Variants in SYPL1 observed in about 807,000 individuals in gnomAD.
SYPL1 encodes synaptophysin-like protein 1.
Under a neutral mutation model 23.7 loss-of-function variants are expected in SYPL1, and 6 were observed. That is an observed-to-expected ratio of 0.25 (90% confidence interval 0.14 to 0.50). SYPL1 has a LOEUF of 0.50. SYPL1 is among the 20% of genes least tolerant of loss of function. The pLI is 0.98. For synonymous variants in SYPL1, 102 were observed against 104.5 expected, an observed-to-expected ratio of 0.98 and a Z score of 0.15; for missense variants, 253 against 288.9, an observed-to-expected ratio of 0.88 and a Z score of 0.90.
intron 1 of SYPL1, 31 bp from the exon 2 acceptor site, chr7:106,099,313 GA>G (rs774787949): frequency 4.4e-6 from 7 of 1,577,196 alleles, no homozygotes; most frequent in African/African-American, 4.1e-5. Context: ...AAAGACAAAA[GA>G]AAAAAAAGAT....
chr7:106,107,438 A>G (rs1840660398), intron 1 of SYPL1, among the ~76,000 whole-genome samples: 1 of 152,178 alleles, frequency 6.6e-6, no homozygotes, highest in African/African-American at 2.4e-5. Flanking sequence ...TAATTCCATA[A>G]TCCTTAAAAA....
chr7:106,098,429 T>C (rs1239280508), intron 2 of SYPL1, among the ~76,000 whole-genome samples: 1 of 152,242 alleles, frequency 6.6e-6, no homozygotes, highest in Non-Finnish European at 1.5e-5. Flanking sequence ...TAGAGAGGCT[T>C]TGATGATTAA....
chr7:106,099,153 C>T lies in SYPL1; in HGVS notation c.194+5G>A. ...TGTGAAACCATTAAAATAAATATAA[C>T]TCACCTGAATGGATAACCAAAAGTA... On this transcript the variant is annotated splice_donor_5th_base_variant and intron_variant, in intron 2 of 4. Transcript: ENST00000455385. 1 of 1,600,904 alleles carries T rather than the reference C, an allele frequency of 6.2e-7. No individual in the cohort carries two copies. Among genetic ancestry groups the T allele is most frequent in the East Asian group, 2.2e-5 (1 of 44,774 alleles).
Position 106,112,209 on chromosome 7 carries a change from C to A in SYPL1, c.-1G>T. 8 of 1,542,518 alleles carry A rather than the reference C, an allele frequency of 5.2e-6. No individual in the cohort carries two copies. Among genetic ancestry groups the A allele is most frequent in the Non-Finnish European group, 7.0e-6 (8 of 1,136,806 alleles). On this transcript the variant is annotated 5_prime_UTR_variant, in exon 1 of 5. Transcript: ENST00000455385. ...TGAGGTTGATCTGGAAGCCGGACAT[C>A]CTCTGAGGAAAGGAGGGAGAGAGAG... is the stretch of plus-strand genomic sequence containing the variant.
chr7:106,102,062 T>C (rs1251665208), intron 1 of SYPL1, among the ~76,000 whole-genome samples: 1 of 152,028 alleles, frequency 6.6e-6, no homozygotes, highest in African/African-American at 2.4e-5. Flanking sequence ...AAATGGGATG[T>C]CTTTTCTGAG....
chr7:106,112,146 G>A lies in SYPL1; in HGVS notation c.63C>T (p.Leu21=), dbSNP rs759560720. Residue 21 remains leucine (L), a synonymous_variant, in exon 1 of 5, where the codon CTC becomes CTT. Transcript: ENST00000455385. ...LKEPLGFIKV[L]EWIASIFAFA... is the part of the protein sequence containing the mutation. ...CGGCGCGGGCTGCACTCACCCACTC[G>A]AGGACCTTGATGAAGCCGAGTGGCT... 1.4e-5 allele frequency: 21 copies of A among 1,532,960 alleles called. No homozygotes were observed. Among genetic ancestry groups the A allele is most frequent in the East Asian group, 1.3e-4 (5 of 38,944 alleles). 95.0% of individuals were successfully genotyped at this position (1,532,960 alleles called of 1,614,324 possible). A position where few individuals can be genotyped will look rare whatever the true frequency, so the allele number is the denominator to read the frequency against.
chr7:106,096,870 T>C lies in SYPL1; in HGVS notation c.402+820A>G, dbSNP rs1041001814. Among the ~76,000 whole-genome samples the C allele has an allele frequency of 2.0e-5, 3 of 152,128 alleles. No individual in the cohort carries two copies. The highest frequency in any genetic ancestry group is 7.2e-5 in the African/African-American group (3 of 41,424). On this transcript the variant is annotated intron_variant, in intron 3 of 4. Coordinates refer to ENST00000455385, the MANE Select transcript of SYPL1 (RefSeq NM_182715.4). The surrounding 1 kb of genome is among the most constrained non-coding windows in gnomAD (Gnocchi z 4.4). ...TACCATTGCAGTGTGAAAGCAGCCA[T>C]AGGCAATGTGTAAATGATTGTGTAT...
chr7:106,102,976 G>GA (rs1457550068), intron 1 of SYPL1, among the ~76,000 whole-genome samples: 3 of 151,488 alleles, frequency 2.0e-5, no homozygotes, highest in African/African-American at 7.3e-5. Flanking sequence ...TTCAACTACA[G>GA]AAAAAAAATC....
At chr7:106,106,337 C>T (rs958445690) in intron 1 of SYPL1, among the ~76,000 whole-genome samples, 2 of 151,574 alleles carry the variant, frequency 1.3e-5, no homozygotes, top group African/African-American at 4.8e-5. Flanking sequence ...CACCTGAGGT[C>T]AGGTGTTCGA....
chr7:106,104,165 T>C lies in SYPL1; in HGVS notation c.70-4883A>G, dbSNP rs937824282. Among the ~76,000 whole-genome samples, 1 of 152,206 alleles carries C rather than the reference T, an allele frequency of 6.6e-6. No homozygotes were observed. The highest frequency in any genetic ancestry group is 2.4e-5 in the African/African-American group (1 of 41,446). On this transcript the variant is annotated intron_variant, in intron 1 of 4. Transcript: ENST00000455385. This position sits in a 1 kb window ranked among gnomAD's most constrained non-coding sequence, Gnocchi z 4.1. Reference sequence around the variant, plus strand: ...CAATTCCCTGTGGTAGAACTCATGATTCTTCTCTTGAGCTATCATAGACAT... The same window carrying C: ...CAATTCCCTGTGGTAGAACTCATGACTCTTCTCTTGAGCTATCATAGACAT...
At chr7:106,108,755 C>T (rs1789989910) in intron 1 of SYPL1, among the ~76,000 whole-genome samples, 2 of 152,108 alleles carry the variant, frequency 1.3e-5, no homozygotes, top group South Asian at 2.1e-4. Context: ...TTCTCCCTGC[C>T]GTATTTTCTG....
Position 106,109,989 on chromosome 7 carries a change from G to A in SYPL1, c.69+2151C>T, listed in dbSNP as rs1563343180. Among the ~76,000 whole-genome samples, 1 of 152,126 alleles carries A rather than the reference G, an allele frequency of 6.6e-6. No individual in the cohort carries two copies. Among genetic ancestry groups the A allele is most frequent in the African/African-American group, 2.4e-5 (1 of 41,424 alleles). ...AGAAATCGATTGATTGAGGAATTATGAGTGCCTAAAATTAGTCGTATCATT... is the reference window on the plus strand; with the variant it reads ...AGAAATCGATTGATTGAGGAATTATAAGTGCCTAAAATTAGTCGTATCATT... On this transcript the variant is annotated intron_variant, in intron 1 of 4. Coordinates refer to ENST00000455385, the MANE Select transcript of SYPL1 (RefSeq NM_182715.4). This position sits in a 1 kb window ranked among gnomAD's most constrained non-coding sequence, Gnocchi z 4.3.
intron 1 of SYPL1, among the ~76,000 whole-genome samples, chr7:106,110,659 A>T (rs1345239176): frequency 6.6e-6 from 1 of 152,222 alleles, no homozygotes; most frequent in Non-Finnish European, 1.5e-5. Context: ...TTTCTGTAAG[A>T]TGCTTAAAAA....
At position 106,092,989 on chromosome 7, in the gene SYPL1, A is replaced by C. The variant is rs760954966; in HGVS notation, c.551T>G (p.Phe184Cys). 6.2e-7 allele frequency: 1 copy of C among 1,611,902 alleles called. No homozygotes were observed. Residue 184 changes from phenylalanine to cysteine, a missense_variant, in exon 4 of 5, where the codon TTT becomes TGT. By Grantham distance (205) the Phe-to-Cys change is radical. Coordinates refer to ENST00000455385, the MANE Select transcript of SYPL1 (RefSeq NM_182715.4). ...PCKKKAVLCYFGSVTSMGSLN... is the reference protein window; with the variant it reads ...PCKKKAVLCYCGSVTSMGSLN... ...GGATCCCATACTGGTCACAGAGCCAAAGTAACACAGTACTGCTTTCTTCTT... is the reference window on the plus strand; with the variant it reads ...GGATCCCATACTGGTCACAGAGCCACAGTAACACAGTACTGCTTTCTTCTT...
intron 3 of SYPL1, among the ~76,000 whole-genome samples, chr7:106,094,193 C>T (rs1437621816): frequency 1.3e-5 from 2 of 151,964 alleles, no homozygotes; most frequent in African/African-American, 4.8e-5. Flanking sequence ...TTAAATAAAC[C>T]CAATTAGTTT....
Position 106,097,882 on chromosome 7 carries a change from T to C in SYPL1, c.210A>G (p.Ser70=), listed in dbSNP as rs1840106711. ...FGYPFRLNEA[S]FQPPPGVNIC... is the part of the protein sequence containing the mutation. ...TGTTTACACCTGGAGGTGGCTGAAA[T>C]GATGCCTCATTCAACCTATTAAAAT... is the stretch of plus-strand genomic sequence containing the variant. The change falls in exon 3 of 5, where the codon TCA becomes TCG. Residue 70 remains serine, a synonymous_variant. Coordinates refer to ENST00000455385, the MANE Select transcript of SYPL1 (RefSeq NM_182715.4). The surrounding 1 kb of genome is among the most constrained non-coding windows in gnomAD (Gnocchi z 4.6). The C allele has an allele frequency of 2.5e-6, 4 of 1,612,192 alleles. No individual in the cohort carries two copies. The highest frequency in any genetic ancestry group is 3.4e-6 in the Non-Finnish European group (4 of 1,178,670).
rs78207247 is a variant in SYPL1 at position 106,104,647 on chromosome 7, G to C, written c.70-5365C>G. ...TAACTTATAAATAAAACCATATTTT[G>C]AATCTTACATAATTATTATTTTAAA... is the stretch of plus-strand genomic sequence containing the variant. On this transcript the variant is annotated intron_variant, in intron 1 of 4. Transcript: ENST00000455385. The surrounding 1 kb of genome is among the most constrained non-coding windows in gnomAD (Gnocchi z 4.1). 0.13 allele frequency among the ~76,000 whole-genome samples: 19,415 copies of C among 152,122 alleles called. 1,322 individuals carry two copies. Among genetic ancestry groups the C allele is most frequent in the East Asian group, 0.26 (1,346 of 5,178 alleles).
chr7:106,110,225 C>A (rs150181883), intron 1 of SYPL1, among the ~76,000 whole-genome samples: 276 of 152,322 alleles, frequency 1.8e-3, no homozygotes, highest in African/African-American at 6.4e-3. Context: ...TATATTCCAA[C>A]TAACCCCCAA....
At chr7:106,110,966 A>T (rs1790114945) in intron 1 of SYPL1, among the ~76,000 whole-genome samples, 1 of 152,210 alleles carries the variant, frequency 6.6e-6, no homozygotes, top group African/African-American at 2.4e-5. Context: ...TTTTCTTTAT[A>T]CTTAAATCTG....
Sources: gnomAD v4.1 joint callset for allele counts (sites outside exome capture counted in the v4.1 genomes callset) on GRCh38, gnomAD v4.1.1 for gene constraint, Gnocchi (gnomAD v3.1) non-coding constraint, MANE v1.5 for transcripts, NCBI Gene and HGNC (gene_info 2026-07-23, HGNC 2026-07-21) for gene names.